CDKAL1: variants seen among roughly 807,000 people sequenced by gnomAD.
CDKAL1 encodes threonylcarbamoyladenosine tRNA methylthiotransferase.
In CDKAL1, 32 loss-of-function variants were observed where a neutral mutation model predicts 68.2. The ratio of observed to expected loss-of-function variants is 0.47; its 90% CI spans 0.35 to 0.63. The LOEUF (loss-of-function observed/expected upper bound fraction) is 0.63, where lower values mean the gene tolerates loss of function less well. Among genes scored for constraint, CDKAL1 ranks in the 30% least tolerant of loss-of-function variants. The pLI, the probability that CDKAL1 is intolerant of heterozygous loss-of-function variation, is 0.00. For missense variants in CDKAL1, 606 were observed against 696.7 expected, an observed-to-expected ratio of 0.87 and a Z score of 1.47; for synonymous variants, 234 against 244.3, an observed-to-expected ratio of 0.96 and a Z score of 0.39.
intron 8 of CDKAL1, among the ~76,000 whole-genome samples, chr6:20,842,094 T>C (rs1233490054): frequency 6.6e-6 from 1 of 152,246 alleles, no homozygotes; most frequent in Non-Finnish European, 1.5e-5. Flanking sequence ...TAACTGAAAC[T>C]ATCTTCTAAA....
intron 10 of CDKAL1, among the ~76,000 whole-genome samples, chr6:20,975,858 T>C (rs544404859): frequency 1.3e-5 from 2 of 152,362 alleles, no homozygotes; most frequent in South Asian, 2.1e-4. Context: ...TGCTGTACTT[T>C]ATGGCACTCT....
chr6:21,171,908 A>T (rs946904296), intron 13 of CDKAL1, among the ~76,000 whole-genome samples: 10 of 152,158 alleles, frequency 6.6e-5, no homozygotes, highest in African/African-American at 2.4e-4. Context: ...TATTTTGCTT[A>T]TATTTCATCC....
chr6:21,073,225 C>G (rs1487553827), intron 12 of CDKAL1, among the ~76,000 whole-genome samples: 1 of 152,158 alleles, frequency 6.6e-6, no homozygotes, highest in Non-Finnish European at 1.5e-5. Flanking sequence ...CATTTACCTA[C>G]TGAAGGACAT....
chr6:21,091,252 CACA>C (rs1360537344), intron 12 of CDKAL1, among the ~76,000 whole-genome samples: 5 of 152,058 alleles, frequency 3.3e-5, no homozygotes, highest in Non-Finnish European at 5.9e-5. Flanking sequence ...GAGGAAACCC[CACA>C]ACAAGATTGT....
chr6:20,780,154 A>G (rs1775356694), intron 7 of CDKAL1, among the ~76,000 whole-genome samples: 1 of 151,830 alleles, frequency 6.6e-6, no homozygotes, highest in African/African-American at 2.4e-5. Flanking sequence ...AGAAAGAAAA[A>G]ATGACAAAGT....
At chr6:21,229,407 C>T (rs1779870879) in intron 15 of CDKAL1, among the ~76,000 whole-genome samples, 1 of 152,174 alleles carries the variant, frequency 6.6e-6, no homozygotes, top group Non-Finnish European at 1.5e-5. Context: ...GGATTTTCTA[C>T]CCCATTCTCC....
At chr6:20,766,971 A>G (rs1016560238) in intron 7 of CDKAL1, among the ~76,000 whole-genome samples, 21 of 152,176 alleles carry the variant, frequency 1.4e-4, no homozygotes, top group African/African-American at 4.8e-4. Flanking sequence ...CACTTAATGT[A>G]TGTATTTTAA....
intron 13 of CDKAL1, among the ~76,000 whole-genome samples, chr6:21,148,993 T>C (rs1776293851): frequency 6.6e-6 from 1 of 152,196 alleles, no homozygotes; most frequent in East Asian, 1.9e-4. Context: ...TTTAGTATTA[T>C]AAAGGAGATA....
At chr6:20,779,887 A>G (rs1329427190) in intron 7 of CDKAL1, among the ~76,000 whole-genome samples, 1 of 152,054 alleles carries the variant, frequency 6.6e-6, no homozygotes, top group East Asian at 1.9e-4. Flanking sequence ...ATTTAAAATC[A>G]TTGACTCTTA....
At chr6:21,176,891 G>A (rs990152918) in intron 13 of CDKAL1, among the ~76,000 whole-genome samples, 1 of 151,800 alleles carries the variant, frequency 6.6e-6, no homozygotes, top group African/African-American at 2.4e-5. Flanking sequence ...TAGAGATGGG[G>A]TTTCACCATC....
chr6:21,146,998 C>T (rs907960724), intron 13 of CDKAL1, among the ~76,000 whole-genome samples: 3 of 152,116 alleles, frequency 2.0e-5, no homozygotes, highest in Admixed American at 1.3e-4. Flanking sequence ...GAAGCCTGCA[C>T]GTGTCCATGG....
Position 21,126,145 on chromosome 6 carries a change from A to G in CDKAL1, c.1299+17682A>G, listed in dbSNP as rs1372347382. On this transcript the variant is annotated intron_variant, in intron 13 of 15. Coordinates refer to ENST00000274695, the MANE Select transcript of CDKAL1 (RefSeq NM_017774.3). ...GAAATTAAAATCATGTGTGGACAGC[A>G]GTGTTTCCACAGTATTTCCATATTT... is the stretch of plus-strand genomic sequence containing the variant. 2.0e-5 allele frequency among the ~76,000 whole-genome samples: 3 copies of G among 152,242 alleles called. No homozygotes were observed. The East Asian group carries it at 5.8e-4, about 29-fold the overall frequency.
At chr6:21,060,232 A>T (rs1439307204) in intron 11 of CDKAL1, among the ~76,000 whole-genome samples, 1 of 152,274 alleles carries the variant, frequency 6.6e-6, no homozygotes, top group Non-Finnish European at 1.5e-5. Flanking sequence ...TGTAATAGAT[A>T]AAAGAATATT....
chr6:21,179,074 G>A (rs1020442373), intron 13 of CDKAL1, among the ~76,000 whole-genome samples: 9 of 152,246 alleles, frequency 5.9e-5, no homozygotes, highest in Non-Finnish European at 1.0e-4. Flanking sequence ...CTAGGACACA[G>A]CAAGTGACGT....
intron 7 of CDKAL1, among the ~76,000 whole-genome samples, chr6:20,775,703 A>G (rs1490982346): frequency 1.3e-5 from 2 of 152,118 alleles, no homozygotes; most frequent in African/African-American, 2.4e-5. Flanking sequence ...GGTAAGTTTT[A>G]GTTTGTTTTA....
chr6:20,720,916 C>G lies in CDKAL1; in HGVS notation c.372-18603C>G, dbSNP rs182763691. On this transcript the variant is annotated intron_variant, in intron 5 of 15. Transcript: ENST00000274695. Reference sequence around the variant, plus strand: ...TTGAGATAATGACCTCCAGTTCCATCCATATTGCTGCAAATGACATTATTT... The same window carrying G: ...TTGAGATAATGACCTCCAGTTCCATGCATATTGCTGCAAATGACATTATTT... Among the ~76,000 whole-genome samples the G allele has an allele frequency of 7.2e-5, 11 of 152,316 alleles. No individual in the cohort carries two copies. In the East Asian group the frequency reaches 1.3e-3, roughly 19 times the overall value.
At chr6:20,823,102 A>G (rs1315453982) in intron 8 of CDKAL1, among the ~76,000 whole-genome samples, 2 of 151,952 alleles carry the variant, frequency 1.3e-5, no homozygotes, top group Non-Finnish European at 1.5e-5. Context: ...ATACATATAT[A>G]CGACAGTTGA....
chr6:20,943,791 T>C (rs886312529), intron 9 of CDKAL1, among the ~76,000 whole-genome samples: 14 of 151,874 alleles, frequency 9.2e-5, no homozygotes, highest in South Asian at 4.1e-4. Context: ...TTTTTTTTTT[T>C]CCCTCCTGGT....
intron 15 of CDKAL1, among the ~76,000 whole-genome samples, chr6:21,215,512 A>G (rs912638770): frequency 7.2e-5 from 11 of 152,184 alleles, no homozygotes; most frequent in African/African-American, 2.7e-4. Flanking sequence ...CTCCTTTTCT[A>G]CGTCCCCAGA....
Sources: gnomAD v4.1 joint callset for allele counts (sites outside exome capture counted in the v4.1 genomes callset) on GRCh38, gnomAD v4.1.1 for gene constraint, MANE v1.5 for transcripts, NCBI Gene and HGNC (gene_info 2026-07-23, HGNC 2026-07-21) for gene names.